Variants in NPAS3 observed in about 807,000 individuals in gnomAD.
NPAS3 encodes the protein neuronal PAS domain-containing protein 3.
In NPAS3, 14 loss-of-function variants were observed where a neutral mutation model predicts 73.1. That is an observed-to-expected ratio of 0.19 (90% CI 0.13 to 0.30). NPAS3 has a LOEUF of 0.30. Ranked by LOEUF, NPAS3 falls within the 10% of genes least tolerant of loss-of-function variation. The probability of loss-of-function intolerance (pLI) is 1.00; values close to 1 mark genes in which losing one functional copy is unlikely to be tolerated. For missense variants in NPAS3, 1,096 were observed against 1,250.0 expected, an observed-to-expected ratio of 0.88 and a Z score of 1.86; for synonymous variants, 620 against 541.5, an observed-to-expected ratio of 1.14 and a Z score of -2.01.
intron 1 of NPAS3, among the ~76,000 whole-genome samples, chr14:32,953,452 T>C (rs1377524911): frequency 6.6e-6 from 1 of 152,170 alleles, no homozygotes; most frequent in African/African-American, 2.4e-5. Flanking sequence ...GCGTCTTCTG[T>C]CCTGTGGTCC....
intron 4 of NPAS3, among the ~76,000 whole-genome samples, chr14:33,446,166 CT>C (rs71118544): frequency 3.0e-3 from 358 of 119,976 alleles, no homozygotes; most frequent in Middle Eastern, 5.9e-3. Flanking sequence ...TTCATGCTTT[CT>C]TTTTTTTTTT....
At chr14:33,602,790 CA>C in intron 5 of NPAS3, among the ~76,000 whole-genome samples, 1 of 152,276 alleles carries the variant, frequency 6.6e-6, no homozygotes, top group East Asian at 1.9e-4. Flanking sequence ...ACTTATTCAG[CA>C]GGCCTTGATT....
At chr14:33,046,483 G>A (rs1353406219) in intron 1 of NPAS3, among the ~76,000 whole-genome samples, 2 of 152,162 alleles carry the variant, frequency 1.3e-5, no homozygotes, top group African/African-American at 2.4e-5. Context: ...TCCAGAAGAG[G>A]TAACCTACCT....
intron 5 of NPAS3, among the ~76,000 whole-genome samples, chr14:33,664,608 A>G (rs1274918175): frequency 6.6e-6 from 1 of 152,220 alleles, no homozygotes; most frequent in Admixed American, 6.5e-5. Flanking sequence ...AATTTTTGCA[A>G]TCTGTCCATC....
intron 6 of NPAS3, among the ~76,000 whole-genome samples, chr14:33,726,014 A>G (rs1196854378): frequency 6.6e-6 from 1 of 152,042 alleles, no homozygotes; most frequent in Non-Finnish European, 1.5e-5. Context: ...CCCCATTTCA[A>G]AGGCTCACCT....
intron 4 of NPAS3, among the ~76,000 whole-genome samples, chr14:33,485,654 T>C (rs1184174929): frequency 3.9e-5 from 6 of 152,194 alleles, no homozygotes; most frequent in African/African-American, 7.2e-5. Flanking sequence ...GACAGTACTC[T>C]TGAACATTAA....
intron 1 of NPAS3, among the ~76,000 whole-genome samples, chr14:33,001,840 T>C (rs973388611): frequency 1.3e-5 from 2 of 152,202 alleles, no homozygotes; most frequent in African/African-American, 4.8e-5. Context: ...CTCCCTTTTG[T>C]GTGAGAATGA....
At chr14:33,368,378 T>C (rs2045935994) in intron 4 of NPAS3, among the ~76,000 whole-genome samples, 1 of 152,008 alleles carries the variant, frequency 6.6e-6, no homozygotes, top group Admixed American at 6.6e-5. Context: ...GCAGTGTCTT[T>C]ACTGGCAGTT....
In NPAS3 at chr14:33,647,036, T is replaced by G. The variant is rs186491357; in HGVS notation, c.559-29175T>G. 5.1e-3 allele frequency among the ~76,000 whole-genome samples: 775 copies of G among 152,282 alleles called. 8 individuals are homozygous for G. Among genetic ancestry groups the G allele is most frequent in the African/African-American group, 0.018 (731 of 41,548 alleles). On this transcript the variant is annotated intron_variant, in intron 5 of 11. Coordinates refer to ENST00000356141, the Ensembl canonical transcript of NPAS3. ...TTGAAGTAATGGGTTTCAATACTTT[T>G]GAAACAAAAGTGCTGTTGATCAAAA...
intron 4 of NPAS3, among the ~76,000 whole-genome samples, chr14:33,404,327 CT>C (rs2047572055): frequency 6.6e-6 from 1 of 152,020 alleles, no homozygotes; most frequent in African/African-American, 2.4e-5. Flanking sequence ...TACTCTTTTA[CT>C]TTTTTGGCTT....
intron 7 of NPAS3, among the ~76,000 whole-genome samples, chr14:33,746,199 A>ATTTTTT (rs1555326917): frequency 6.7e-6 from 1 of 148,934 alleles, no homozygotes; most frequent in African/African-American, 2.5e-5. Context: ...TTATTTATTT[A>ATTTTTT]TTTTTTTGAG....
In NPAS3 at chr14:33,564,501, C is replaced by A. The variant is rs566041397; in HGVS notation, c.558+4291C>A. Among the ~76,000 whole-genome samples the A allele has an allele frequency of 9.2e-5, 14 of 152,354 alleles. No homozygotes were observed. In the East Asian group the frequency reaches 2.7e-3, roughly 29 times the overall value. ...GAAGCCCATTCCCCGCCAGCCATAGCTGTGCGGAAGACCATCGGAGAGCGA... is the reference window on the plus strand; with the variant it reads ...GAAGCCCATTCCCCGCCAGCCATAGATGTGCGGAAGACCATCGGAGAGCGA... On this transcript the variant is annotated intron_variant, in intron 5 of 11. Coordinates refer to ENST00000356141, the Ensembl canonical transcript of NPAS3.
intron 1 of NPAS3, among the ~76,000 whole-genome samples, chr14:32,980,914 T>G (rs554117356): frequency 6.6e-6 from 1 of 152,230 alleles, no homozygotes; most frequent in East Asian, 1.9e-4. Flanking sequence ...TCAGTTTAAT[T>G]TTTTAGCTAT....
At chr14:33,678,908 C>G (rs2140348913) in intron 6 of NPAS3, among the ~76,000 whole-genome samples, 1 of 152,222 alleles carries the variant, frequency 6.6e-6, no homozygotes, top group East Asian at 1.9e-4. Context: ...TAAAATAACC[C>G]TAGGTACACT....
intron 1 of NPAS3, among the ~76,000 whole-genome samples, chr14:33,047,942 A>G (rs560873669): frequency 6.6e-6 from 1 of 152,302 alleles, no homozygotes; most frequent in South Asian, 2.1e-4. Context: ...TGAACAAAAA[A>G]GGTTTATGAA....
At chr14:33,699,863 T>TATTCCAAATAACAGGGGGGAAAGA (rs2060481660) in intron 6 of NPAS3, among the ~76,000 whole-genome samples, 1 of 152,138 alleles carries the variant, frequency 6.6e-6, no homozygotes, top group Admixed American at 6.5e-5. Flanking sequence ...ACAGCTCATA[T>TATTCCAAATAACAGGGGGGAAAGA]ATTCCAAATA....
chr14:33,681,937 T>TACAA (rs781104872), intron 6 of NPAS3, among the ~76,000 whole-genome samples: 4 of 152,154 alleles, frequency 2.6e-5, no homozygotes, highest in South Asian at 4.1e-4. Context: ...AAATTCTGAA[T>TACAA]ACAAACAAAC....
intron 5 of NPAS3, among the ~76,000 whole-genome samples, chr14:33,604,083 A>G (rs2057481745): frequency 6.6e-6 from 1 of 152,126 alleles, no homozygotes; most frequent in South Asian, 2.1e-4. Context: ...AGGAATGCTC[A>G]GTTAATCTGA....
intron 2 of NPAS3, among the ~76,000 whole-genome samples, chr14:33,155,566 C>T (rs938413248): frequency 6.6e-5 from 10 of 152,008 alleles, no homozygotes; most frequent in Admixed American, 3.3e-4. Flanking sequence ...TTCTTTATTC[C>T]GAGTAGAGAT....
Sources: allele counts gnomAD v4.1 joint callset (sites outside exome capture counted in the v4.1 genomes callset), GRCh38; gene constraint gnomAD v4.1.1; transcripts MANE v1.5; gene names NCBI Gene and HGNC (gene_info 2026-07-23, HGNC 2026-07-21).